Variants in ARHGAP44 observed in about 807,000 individuals in gnomAD.
ARHGAP44 encodes the protein Rho GTPase activating protein 44.
A neutral mutation model predicts 106.8 loss-of-function variants in ARHGAP44; 43 were observed. The ratio of observed to expected loss-of-function variants is 0.40; its 90% CI spans 0.32 to 0.52. The LOEUF (loss-of-function observed/expected upper bound fraction) is 0.52, where lower values mean the gene tolerates loss of function less well. Ranked by LOEUF, ARHGAP44 falls within the 20% of genes least tolerant of loss-of-function variation. ARHGAP44 has a pLI of 0.48. For synonymous variants in ARHGAP44, 439 were observed against 410.3 expected (o/e 1.07, Z -0.85); for missense variants, 866 against 1,050.5 (o/e 0.82, Z 2.43).
At chr17:12,870,600 C>T (rs2036380896) in intron 1 of ARHGAP44, among the ~76,000 whole-genome samples, 1 of 152,158 alleles carries the variant, frequency 6.6e-6, no homozygotes, top group Non-Finnish European at 1.5e-5. Flanking sequence ...TAGCCTGATC[C>T]AGCTCCTAGT....
chr17:12,874,701 T>C (rs2036500631), intron 1 of ARHGAP44, among the ~76,000 whole-genome samples: 1 of 150,782 alleles, frequency 6.6e-6, no homozygotes, highest in South Asian at 2.1e-4. Context: ...CACTGCACTC[T>C]AGCCTGGGTA....
At chr17:12,878,372 A>G (rs553310050) in intron 1 of ARHGAP44, among the ~76,000 whole-genome samples, 1 of 152,240 alleles carries the variant, frequency 6.6e-6, no homozygotes, top group African/African-American at 2.4e-5. Context: ...TGAAACTCAT[A>G]AGTGGAACAG....
intron 16 of ARHGAP44, among the ~76,000 whole-genome samples, chr17:12,970,377 A>AG (rs1457599414): frequency 1.4e-5 from 2 of 141,984 alleles, no homozygotes; most frequent in African/African-American, 5.3e-5. Context: ...AAAAAAAAAA[A>AG]AAAAAAAAAA....
At chr17:12,870,646 G>A (rs2036381657) in intron 1 of ARHGAP44, among the ~76,000 whole-genome samples, 1 of 152,110 alleles carries the variant, frequency 6.6e-6, no homozygotes, top group Admixed American at 6.5e-5. Context: ...TACCTTCTGT[G>A]TTTATTTCCT....
intron 7 of ARHGAP44, among the ~76,000 whole-genome samples, chr17:12,937,620 G>T (rs1190824683): frequency 6.6e-6 from 1 of 152,158 alleles, no homozygotes; most frequent in Admixed American, 6.6e-5. Flanking sequence ...CCAAATCTAA[G>T]AGTTGTTGAG....
At chr17:12,825,878 A>G (rs907907125) in intron 1 of ARHGAP44, among the ~76,000 whole-genome samples, 3 of 152,142 alleles carry the variant, frequency 2.0e-5, no homozygotes, top group Non-Finnish European at 2.9e-5. Context: ...GTCAGTAAAC[A>G]TTGATTGTAT....
At chr17:12,981,853 A>G (rs1219520790) in intron 19 of ARHGAP44, among the ~76,000 whole-genome samples, 1 of 151,976 alleles carries the variant, frequency 6.6e-6, no homozygotes, top group Non-Finnish European at 1.5e-5. Context: ...CTACTAAAAT[A>G]TAAAAAAATC....
intron 6 of ARHGAP44, among the ~76,000 whole-genome samples, chr17:12,926,953 A>G (rs1456392628): frequency 6.6e-6 from 1 of 152,188 alleles, no homozygotes; most frequent in East Asian, 1.9e-4. Context: ...TTATTCTCCA[A>G]AACTCCACAA....
At chr17:12,978,016 A>C (rs1433879540) in intron 18 of ARHGAP44, among the ~76,000 whole-genome samples, 1 of 131,406 alleles carries the variant, frequency 7.6e-6, no homozygotes, top group Non-Finnish European at 1.6e-5. Flanking sequence ...CCAGCTGGGC[A>C]ACAGAGCAAG....
chr17:12,803,602 G>A (rs960394193), intron 1 of ARHGAP44, among the ~76,000 whole-genome samples: 19 of 152,158 alleles, frequency 1.2e-4, no homozygotes, highest in South Asian at 8.3e-4. Context: ...GGGCTCAAAT[G>A]ATCCACCCAT....
Position 12,949,112 on chromosome 17 carries a change from G to C in ARHGAP44, c.862-28G>C, listed in dbSNP as rs926597068. 1.3e-6 allele frequency: 2 copies of C among 1,548,450 alleles called. No individual in the cohort carries two copies. Among genetic ancestry groups the C allele is most frequent in the Non-Finnish European group, 1.7e-6 (2 of 1,144,184 alleles). On this transcript the variant is annotated intron_variant, in intron 10 of 20. Transcript: ENST00000379672. This position sits in a 1 kb window ranked among gnomAD's most constrained non-coding sequence, Gnocchi z 4.1. ...TTTGATGTTGTACCTTGGAGTTGCT[G>C]TGCGCTGACCCTCTGTCCTGTTGGT...
intron 1 of ARHGAP44, among the ~76,000 whole-genome samples, chr17:12,801,896 A>G (rs931856448): frequency 6.6e-5 from 10 of 151,168 alleles, no homozygotes; most frequent in Non-Finnish European, 1.0e-4. Context: ...AGAGAGAGAG[A>G]AAAAAAAAGC....
chr17:12,987,733 A>T (rs1212183892), intron 20 of ARHGAP44: 1 of 152,218 alleles, frequency 6.6e-6, no homozygotes, highest in Non-Finnish European at 1.5e-5. Context: ...GGCAAATCCT[A>T]AAGAATCCAT....
In ARHGAP44 at chr17:12,916,030, G is replaced by A. The variant is rs200893238; in HGVS notation, c.387+19G>A. 2.5e-5 allele frequency: 40 copies of A among 1,605,396 alleles called. No homozygotes were observed. Among genetic ancestry groups the A allele is most frequent in the African/African-American group, 5.4e-5 (4 of 74,758 alleles). On this transcript the variant is annotated intron_variant, in intron 5 of 20. Coordinates refer to ENST00000379672, the MANE Select transcript of ARHGAP44 (RefSeq NM_014859.6). The stretch of plus-strand genomic sequence containing the variant: ...GGCGGAGGTAAGCAGCAGGAGTGAG[G>A]CCAGGCCTGAAAGAGCAAGGAGGTA...
chr17:12,930,546 A>T (rs2014258), intron 7 of ARHGAP44, among the ~76,000 whole-genome samples: 1 of 152,006 alleles, frequency 6.6e-6, no homozygotes, highest in African/African-American at 2.4e-5. Flanking sequence ...CCTACCGTCT[A>T]TTTTTTAACT....
At chr17:12,913,921 T>C (rs12601708) in intron 4 of ARHGAP44, among the ~76,000 whole-genome samples, 1 of 133,470 alleles carries the variant, frequency 7.5e-6, no homozygotes, top group African/African-American at 2.8e-5. Flanking sequence ...GTGAGCCAAG[T>C]ACGCGTCACT....
chr17:12,945,467 G>A (rs1055944209), intron 10 of ARHGAP44, among the ~76,000 whole-genome samples: 17 of 152,136 alleles, frequency 1.1e-4, no homozygotes, highest in Non-Finnish European at 7.3e-5. Context: ...CATGCGGTAC[G>A]TGTTTTATTG....
intron 7 of ARHGAP44, among the ~76,000 whole-genome samples, chr17:12,929,804 T>C (rs2038348136): frequency 6.6e-6 from 1 of 152,194 alleles, no homozygotes. Context: ...TCTGTAACTA[T>C]TCTGGGAACC....
intron 12 of ARHGAP44, among the ~76,000 whole-genome samples, chr17:12,951,059 G>A (rs1268127881): frequency 6.6e-6 from 1 of 152,210 alleles, no homozygotes; most frequent in Non-Finnish European, 1.5e-5. Flanking sequence ...TATTTCCAAA[G>A]CAGAATGGAG....
Sources: allele counts gnomAD v4.1 joint callset (sites outside exome capture counted in the v4.1 genomes callset), GRCh38; gene constraint gnomAD v4.1.1; non-coding constraint Gnocchi (gnomAD v3.1); transcripts MANE v1.5; gene names NCBI Gene and HGNC (gene_info 2026-07-23, HGNC 2026-07-21).